CRISP2: variants seen among roughly 807,000 people sequenced by gnomAD.
CRISP2 encodes the protein cysteine rich secretory protein 2, also known as cysteine-rich secretory protein 2.
CRISP2 carries 29 observed loss-of-function variants against 31.7 expected under a neutral mutation model. The observed-to-expected ratio is 0.92, with a 90% CI of 0.68 to 1.25. CRISP2 has a LOEUF of 1.25. Among genes scored for constraint, CRISP2 ranks in the 50% most tolerant of loss-of-function variants. The pLI is 0.00. For synonymous variants in CRISP2, 111 were observed against 101.4 expected (o/e 1.09, Z -0.57); for missense variants, 318 against 286.5 (o/e 1.11, Z -0.79).
chr6:49,698,357 C>G lies in CRISP2; in HGVS notation c.417+5G>C. 3 of 1,612,688 alleles carry G rather than the reference C, an allele frequency of 1.9e-6. No individual in the cohort carries two copies. Among genetic ancestry groups the G allele is most frequent in the Non-Finnish European group, 2.5e-6 (3 of 1,179,364 alleles). ...GACATAGGTATTTTCATGCATTCTT[C>G]TTACCTGAGTATAATGTCCAACAAC... On this transcript the variant is annotated splice_donor_5th_base_variant and intron_variant, in intron 7 of 9. Transcript: ENST00000339139.
chr6:49,686,498 A>G, the CRISP2 span, among the ~76,000 whole-genome samples: 19 of 152,214 alleles, frequency 1.2e-4, no homozygotes, highest in Admixed American at 9.2e-4. Context: ...AAAACCCACA[A>G]TGAGATACCA....
chr6:49,704,342 T>G (rs1292089286), intron 4 of CRISP2, among the ~76,000 whole-genome samples: 1 of 152,190 alleles, frequency 6.6e-6, no homozygotes, highest in Non-Finnish European at 1.5e-5. Flanking sequence ...CCTTCTGAAT[T>G]CTTTTTCCAG....
chr6:49,690,506 A>G (rs1335199999), downstream of CRISP2, among the ~76,000 whole-genome samples: 1 of 152,124 alleles, frequency 6.6e-6, no homozygotes, highest in Non-Finnish European at 1.5e-5. Flanking sequence ...ACAGAAATCA[A>G]TGAATTATGG....
At chr6:49,709,761 T>C (rs1240288755) in intron 3 of CRISP2, among the ~76,000 whole-genome samples, 1 of 152,248 alleles carries the variant, frequency 6.6e-6, no homozygotes, top group Non-Finnish European at 1.5e-5. Context: ...GTTATGTTTA[T>C]TTTCTTCCTT....
rs1766317795 is a variant in CRISP2, at chr6:49,702,741, T to C, written c.67-1957A>G. ...CTAGTTTGCGAAGATTTTCTCCCAT[T>C]CTGTGGGTTTTATGTTTACTCTGCT... is the stretch of plus-strand genomic sequence containing the variant. On this transcript the variant is annotated intron_variant, in intron 4 of 9. Transcript: ENST00000339139. Among the ~76,000 whole-genome samples the C allele has an allele frequency of 2.0e-5, 3 of 152,274 alleles. No homozygotes were observed. The South Asian group carries it at 6.2e-4, about 32-fold the overall frequency.
intron 8 of CRISP2, among the ~76,000 whole-genome samples, chr6:49,696,907 G>A (rs1764857738): frequency 6.6e-6 from 1 of 152,048 alleles, no homozygotes. Context: ...TATTCCAACT[G>A]TCACTTCTGA....
the CRISP2 span, among the ~76,000 whole-genome samples, chr6:49,682,111 A>G: frequency 6.6e-6 from 1 of 152,250 alleles, no homozygotes; most frequent in East Asian, 1.9e-4. Context: ...TCTGGCATCT[A>G]TACTATACTA....
the CRISP2 span, among the ~76,000 whole-genome samples, chr6:49,687,337 C>CT: frequency 6.6e-6 from 1 of 152,058 alleles, no homozygotes; most frequent in Non-Finnish European, 1.5e-5. Flanking sequence ...TAAATATGAA[C>CT]TAGCATATGT....
At chr6:49,702,931 T>G (rs2127417642) in intron 4 of CRISP2, among the ~76,000 whole-genome samples, 1 of 152,288 alleles carries the variant, frequency 6.6e-6, no homozygotes, top group East Asian at 1.9e-4. Flanking sequence ...GATGTTATCT[T>G]CTAGAGTTTA....
At position 49,707,420 on chromosome 6, in the gene CRISP2, CAG is replaced by C. The variant is rs563854790; in HGVS notation, c.66+1709_66+1710del. 4.6e-5 allele frequency among the ~76,000 whole-genome samples: 7 copies of C among 152,128 alleles called. No homozygotes were observed. In the East Asian group the frequency reaches 1.4e-3, roughly 29 times the overall value. ...GAAAACATCAGAAAATCATACTGGG[CAG>C]AGTGTTTATAGAGCATCTGATTTCA... On this transcript the variant is annotated intron_variant, in intron 4 of 9. Coordinates refer to ENST00000339139, the MANE Select transcript of CRISP2 (RefSeq NM_003296.4).
chr6:49,697,804 TA>T, intron 8 of CRISP2, 55 bp downstream of exon 8: 14 of 1,604,974 alleles, frequency 8.7e-6, no homozygotes, highest in Non-Finnish European at 1.2e-5. Context: ...TGAGAATTAT[TA>T]AAAAATAAAT....
In CRISP2 at chr6:49,700,711, A is replaced by C. The variant is rs1328015026; in HGVS notation, c.140T>G (p.Leu47Arg). 1.2e-6 allele frequency: 2 copies of C among 1,612,482 alleles called. No individual in the cohort carries two copies. Among genetic ancestry groups the C allele is most frequent in the Non-Finnish European group, 1.7e-6 (2 of 1,179,040 alleles). The change falls in exon 5 of 10, where the codon CTA becomes CGA. Residue 47 changes from leucine (L) to arginine (R), a missense_variant. By Grantham distance (102) the Leu-to-Arg change is moderately radical. Coordinates refer to ENST00000339139, the MANE Select transcript of CRISP2 (RefSeq NM_003296.4). The stretch of plus-strand genomic sequence containing the variant: ...GGCAGGTGGAGAGACTGCTTTCCTT[A>C]GTTCATTGTGTTTATTTACAATCTC... The part of the protein sequence containing the change: ...QREIVNKHNE[L>R]RKAVSPPASN...
chr6:49,689,503 T>A (rs552833702), downstream of CRISP2, among the ~76,000 whole-genome samples: 1 of 152,246 alleles, frequency 6.6e-6, no homozygotes, highest in African/African-American at 2.4e-5. Flanking sequence ...AAGCAGTATT[T>A]TAAATAACTT....
intron 1 of CRISP2, among the ~76,000 whole-genome samples, chr6:49,713,076 C>T (rs979048447): frequency 1.2e-4 from 19 of 152,096 alleles, no homozygotes; most frequent in African/African-American, 4.6e-4. Flanking sequence ...ATGACCCCAA[C>T]TCTAATTGTT....
At chr6:49,689,821 C>A (rs566841752), downstream of CRISP2, among the ~76,000 whole-genome samples, 16 of 152,112 alleles carry the variant, frequency 1.1e-4, no homozygotes, top group Admixed American at 9.8e-4. Context: ...CCTCACTATT[C>A]TTAACAAAAA....
intron 8 of CRISP2, among the ~76,000 whole-genome samples, chr6:49,696,473 G>C (rs775200276): frequency 1.3e-5 from 2 of 151,700 alleles, no homozygotes; most frequent in Non-Finnish European, 2.9e-5. Flanking sequence ...TTAGTGGTGT[G>C]TGTGTTTGTA....
At chr6:49,702,937 G>T (rs1181161063) in intron 4 of CRISP2, among the ~76,000 whole-genome samples, 1 of 152,012 alleles carries the variant, frequency 6.6e-6, no homozygotes, top group Non-Finnish European at 1.5e-5. Context: ...ATCTTCTAGA[G>T]TTTACATGGT....
chr6:49,709,301 G>A, intron 3 of CRISP2, 96 bp from the exon 4 acceptor site: 4 of 1,027,800 alleles, frequency 3.9e-6, no homozygotes, highest in South Asian at 2.9e-5. Flanking sequence ...TTATCTCAAA[G>A]GAACTGTGAT....
rs1451385348 is a variant in CRISP2 at position 49,701,674 on chromosome 6, A to G, written c.67-890T>C. Among the ~76,000 whole-genome samples the G allele has an allele frequency of 2.7e-4, 33 of 123,212 alleles. 1 individual carries two copies. Among genetic ancestry groups the G allele is most frequent in the African/African-American group, 9.5e-4 (29 of 30,674 alleles). 80.8% of individuals were successfully genotyped at this position (123,212 alleles called of 152,430 possible). On this transcript the variant is annotated intron_variant, in intron 4 of 9. Coordinates refer to ENST00000339139, the MANE Select transcript of CRISP2 (RefSeq NM_003296.4). The stretch of plus-strand genomic sequence containing the variant: ...TATACATTATATATGTATACATTAT[A>G]TATGTATACATTATATATGTATACA...
Sources: gnomAD v4.1 joint callset for allele counts (sites outside exome capture counted in the v4.1 genomes callset) on GRCh38, gnomAD v4.1.1 for gene constraint, MANE v1.5 for transcripts, NCBI Gene and HGNC (gene_info 2026-07-23, HGNC 2026-07-21) for gene names.